GPR158: variants seen among roughly 807,000 people sequenced by gnomAD.
The protein encoded by GPR158 is G protein-coupled receptor 158, also known as metabotropic glycine receptor.
A neutral mutation model predicts 78.2 loss-of-function variants in GPR158; 30 were observed. That is an observed-to-expected ratio of 0.38 (90% CI 0.29 to 0.52). The LOEUF is 0.52. Ranked by LOEUF, GPR158 falls within the 20% of genes least tolerant of loss-of-function variation. The probability of loss-of-function intolerance (pLI) is 0.83; values close to 1 mark genes in which losing one functional copy is unlikely to be tolerated. For synonymous variants in GPR158, 581 were observed against 591.1 expected (o/e 0.98, Z 0.25); for missense variants, 1,463 against 1,523.5 (o/e 0.96, Z 0.66).
intron 2 of GPR158, among the ~76,000 whole-genome samples, chr10:25,342,245 A>ATTT (rs35373506): frequency 2.0e-3 from 294 of 149,560 alleles, no homozygotes; most frequent in South Asian, 6.5e-3. Context: ...GAACTGTTTT[A>ATTT]TTTTTTTTTT....
intron 4 of GPR158, among the ~76,000 whole-genome samples, chr10:25,429,206 G>T (rs1834862776): frequency 6.6e-6 from 1 of 151,958 alleles, no homozygotes; most frequent in African/African-American, 2.4e-5. Flanking sequence ...TATTGTCACA[G>T]GTGCCTTTCC....
chr10:25,238,592 A>T (rs1234081524), intron 2 of GPR158, among the ~76,000 whole-genome samples: 1 of 152,192 alleles, frequency 6.6e-6, no homozygotes, highest in Admixed American at 6.5e-5. Context: ...ACAGAGATTT[A>T]TGAGCTGCAG....
At chr10:25,298,606 G>A (rs921622383) in intron 2 of GPR158, among the ~76,000 whole-genome samples, 4 of 152,090 alleles carry the variant, frequency 2.6e-5, no homozygotes, top group Non-Finnish European at 5.9e-5. Context: ...TCCTTTATCA[G>A]CTCAGCCAGA....
At position 25,176,175 on chromosome 10, in the gene GPR158, G is replaced by A. The variant is rs760721281; in HGVS notation, c.755G>A (p.Arg252His). 5.1e-5 allele frequency: 81 copies of A among 1,579,602 alleles called. No homozygotes were observed. The highest frequency in any genetic ancestry group is 6.3e-5 in the Non-Finnish European group (73 of 1,164,538). Residue 252 changes from arginine to histidine, a missense_variant, in exon 1 of 11, where the codon CGC (arginine) becomes CAC (histidine). Physicochemically the swap from Arg to His is conservative, Grantham distance 29. Transcript: ENST00000376351. This position sits in a 1 kb window ranked among gnomAD's most constrained non-coding sequence, Gnocchi z 6.3. ...CGGGGCCTGGGCCACAGCTGGCGGC[G>A]CAAGGACGGGCTCGGCGGGGACAAG... ...GPRGLGHSWR[R>H]KDGLGGDKSH...
At chr10:25,279,874 T>G (rs1373711710) in intron 2 of GPR158, among the ~76,000 whole-genome samples, 1 of 152,068 alleles carries the variant, frequency 6.6e-6, no homozygotes, top group Non-Finnish European at 1.5e-5. Flanking sequence ...GATAATCTGG[T>G]TTGGATCCAT....
chr10:25,211,588 A>ACAGGTCC (rs1180161214), intron 1 of GPR158, among the ~76,000 whole-genome samples: 2 of 152,224 alleles, frequency 1.3e-5, no homozygotes, highest in African/African-American at 4.8e-5. Context: ...GTCACCTCTT[A>ACAGGTCC]CAGGTCCCAT....
In GPR158 at chr10:25,220,098, T is replaced by A. The variant is rs531343914; in HGVS notation, c.903-954T>A. ...AATTAGGGGTGTGGGGCCTCAAAAATGTGTTTTTACTTTGAGTAGTTTGTA... is the reference window on the plus strand; with the variant it reads ...AATTAGGGGTGTGGGGCCTCAAAAAAGTGTTTTTACTTTGAGTAGTTTGTA... On this transcript the variant is annotated intron_variant, in intron 1 of 10. Coordinates refer to ENST00000376351, the MANE Select transcript of GPR158 (RefSeq NM_020752.3). Among the ~76,000 whole-genome samples the A allele has an allele frequency of 3.0e-4, 46 of 152,302 alleles. 2 individuals are homozygous for A. In the South Asian group the frequency reaches 9.5e-3, roughly 32 times the overall value.
At chr10:25,541,360 A>G (rs1047210898) in intron 5 of GPR158, among the ~76,000 whole-genome samples, 8 of 152,004 alleles carry the variant, frequency 5.3e-5, no homozygotes, top group African/African-American at 1.2e-4. Flanking sequence ...TTCTCCCAGC[A>G]TATGATTTTT....
At chr10:25,452,729 A>C (rs1049987190) in intron 4 of GPR158, among the ~76,000 whole-genome samples, 6 of 152,254 alleles carry the variant, frequency 3.9e-5, no homozygotes, top group Admixed American at 1.3e-4. Flanking sequence ...TATATATTCA[A>C]AGTGTACAAC....
chr10:25,293,552 C>T (rs892625099), intron 2 of GPR158, among the ~76,000 whole-genome samples: 21 of 152,170 alleles, frequency 1.4e-4, no homozygotes, highest in Admixed American at 1.4e-3. Context: ...GCAAAAATAA[C>T]GACCAAATTT....
chr10:25,451,887 A>C (rs573138346), intron 4 of GPR158, among the ~76,000 whole-genome samples: 48 of 152,312 alleles, frequency 3.2e-4, no homozygotes, highest in African/African-American at 1.1e-3. Flanking sequence ...GGTCTCTTTC[A>C]TGGAGAAAAA....
intron 3 of GPR158, among the ~76,000 whole-genome samples, chr10:25,412,031 C>T (rs1192112672): frequency 6.9e-6 from 1 of 144,972 alleles, no homozygotes; most frequent in African/African-American, 2.5e-5. Flanking sequence ...TAATTTTCCT[C>T]AACCACTTTC....
rs769769008 is a variant in GPR158, at chr10:25,466,732, AT to A, written c.1404+17del. ...CCTATACTTTCCAGTAAGTAACAGA[AT>A]TTTGTTTTTAAAGTAGAAATTTATT... On this transcript the variant is annotated intron_variant, in intron 5 of 10. Coordinates refer to ENST00000376351, the MANE Select transcript of GPR158 (RefSeq NM_020752.3). 2.0e-6 allele frequency: 3 copies of A among 1,528,570 alleles called. No individual in the cohort carries two copies. In the Admixed American group the frequency reaches 5.5e-5, roughly 28 times the overall value. 94.7% of individuals were successfully genotyped at this position (1,528,570 alleles called of 1,614,324 possible).
chr10:25,354,741 A>G (rs970257014), intron 2 of GPR158, among the ~76,000 whole-genome samples: 3 of 152,076 alleles, frequency 2.0e-5, no homozygotes, highest in Non-Finnish European at 4.4e-5. Flanking sequence ...TCTGAAAGAC[A>G]GTTCTCATGG....
chr10:25,470,403 C>T (rs1248460654), intron 5 of GPR158, among the ~76,000 whole-genome samples: 1 of 152,028 alleles, frequency 6.6e-6, no homozygotes, highest in African/African-American at 2.4e-5. Context: ...CTCCCTTCCA[C>T]CCAGCAAGAA....
chr10:25,270,110 G>C (rs1201256617), intron 2 of GPR158, among the ~76,000 whole-genome samples: 2 of 152,144 alleles, frequency 1.3e-5, no homozygotes, highest in Non-Finnish European at 2.9e-5. Context: ...AGGACACACA[G>C]AATCTTCAAC....
chr10:25,330,600 A>G (rs1202070358), intron 2 of GPR158, among the ~76,000 whole-genome samples: 1 of 152,214 alleles, frequency 6.6e-6, no homozygotes, highest in Non-Finnish European at 1.5e-5. Context: ...AATGTTTAGG[A>G]AACAGTTTAT....
At chr10:25,372,047 G>A (rs1834001800) in intron 2 of GPR158, among the ~76,000 whole-genome samples, 1 of 151,566 alleles carries the variant, frequency 6.6e-6, no homozygotes, top group Non-Finnish European at 1.5e-5. Context: ...GTGGGCGAAG[G>A]ACATGAACAG....
chr10:25,394,997 G>T (rs1303983782), intron 2 of GPR158, among the ~76,000 whole-genome samples: 1 of 152,080 alleles, frequency 6.6e-6, no homozygotes, highest in African/African-American at 2.4e-5. Context: ...TGGAATCATG[G>T]TAGAACAATA....
Sources: gnomAD v4.1 joint callset for allele counts (sites outside exome capture counted in the v4.1 genomes callset) on GRCh38, gnomAD v4.1.1 for gene constraint, Gnocchi (gnomAD v3.1) non-coding constraint, MANE v1.5 for transcripts, NCBI Gene and HGNC (gene_info 2026-07-23, HGNC 2026-07-21) for gene names.